The following PALB2 variants were observed in gnomAD, a reference collection of about 807,000 sequenced individuals.
PALB2 encodes the protein mutant partner and localizer of BRCA2.
In PALB2, 82 loss-of-function variants were observed where a neutral mutation model predicts 107.4. The observed-to-expected ratio is 0.76, with a 90% CI of 0.64 to 0.92. The LOEUF (loss-of-function observed/expected upper bound fraction) is 0.92. PALB2 is among the 40% of genes least tolerant of loss of function. The probability of loss-of-function intolerance (pLI) is 0.00; values close to 1 mark genes in which losing one functional copy is unlikely to be tolerated. For synonymous variants in PALB2, 489 were observed against 496.8 expected, an observed-to-expected ratio of 0.98 and a Z score of 0.21; for missense variants, 1,374 against 1,379.9, an observed-to-expected ratio of 1.00 and a Z score of 0.07.
intron 10 of PALB2, among the ~76,000 whole-genome samples, chr16:23,618,174 C>T (rs1158332341): frequency 6.6e-6 from 1 of 151,526 alleles, no homozygotes; most frequent in Non-Finnish European, 1.5e-5. Flanking sequence ...TGCTGTGTGC[C>T]TGCAGTCCCA....
At chr16:23,612,999 C>CA (rs1460277150) in intron 11 of PALB2, among the ~76,000 whole-genome samples, 2 of 151,394 alleles carry the variant, frequency 1.3e-5, no homozygotes, top group African/African-American at 4.8e-5. Context: ...GTGTTCCACC[C>CA]ACTTTGGCCT....
At position 23,629,382 on chromosome 16, in the gene PALB2, T is replaced by C; in HGVS notation, c.2515-107A>G. 4 of 1,096,882 alleles carry C rather than the reference T, an allele frequency of 3.6e-6. No individual in the cohort carries two copies. In the South Asian group the frequency reaches 3.8e-5, roughly 10 times the overall value. 67.9% of individuals were successfully genotyped at this position (1,096,882 alleles called of 1,614,324 possible). Reference sequence around the variant, plus strand: ...TTCGTATTGTCTTTATTTCCTCTTATAACAGCAGCAAAGCTCCAAATGCAA... The same window carrying C: ...TTCGTATTGTCTTTATTTCCTCTTACAACAGCAGCAAAGCTCCAAATGCAA... On this transcript the variant is annotated intron_variant, in intron 5 of 12. Transcript: ENST00000261584.
intron 6 of PALB2, 78 bp downstream of exon 6, chr16:23,629,126 A>G: frequency 2.8e-6 from 3 of 1,079,482 alleles, no homozygotes; most frequent in East Asian, 2.4e-5. Flanking sequence ...ACAAGAAGCT[A>G]TATGACTGAA....
rs2142377589 is a variant in PALB2, at chr16:23,629,917, G to A, written c.2237C>T (p.Ala746Val). ...AGTTCGTCCAGCAACTTCTGTAGAT[G>A]CTTTTTCATAGGAGCCTTGAGGGCC... ...AFGPQGSYEK[A>V]STEVAGRTCC... The change falls in exon 5 of 13, where the codon GCA (alanine) becomes GTA (valine). Residue 746 changes from alanine to valine, a missense_variant. By Grantham distance (64) the Ala-to-Val change is moderately conservative. Coordinates refer to ENST00000261584, the MANE Select transcript of PALB2 (RefSeq NM_024675.4). The A allele has an allele frequency of 6.2e-7, 1 of 1,614,222 alleles. No homozygotes were observed. The highest frequency in any genetic ancestry group is 1.1e-5 in the South Asian group (1 of 91,084).
intron 11 of PALB2, among the ~76,000 whole-genome samples, chr16:23,610,163 G>A (rs1005718956): frequency 3.3e-5 from 5 of 152,160 alleles, no homozygotes; most frequent in Admixed American, 3.3e-4. Context: ...GTCTATGGCT[G>A]ATTTGGGGCC....
chr16:23,619,046 G>A (rs139922590), intron 10 of PALB2, among the ~76,000 whole-genome samples: 32 of 151,628 alleles, frequency 2.1e-4, no homozygotes, highest in African/African-American at 7.2e-4. Flanking sequence ...AGTCACCATA[G>A]TGTTTAAAAA....
At position 23,630,354 on chromosome 16, in the gene PALB2, T is replaced by C. The variant is rs139662375; in HGVS notation, c.1800A>G (p.Leu600=). ...TACTGAGAAAAGACAGTAGTTGCTT[T>C]AAACTCAGCATTCCATCCCTATGAA... ...APFHRDGMLS[L]KQLLSFLSIT... Residue 600 remains leucine (L), a synonymous_variant, in exon 5 of 13, where the codon TTA becomes TTG. Coordinates refer to ENST00000261584, the MANE Select transcript of PALB2 (RefSeq NM_024675.4). 6.2e-7 allele frequency: 1 copy of C among 1,614,190 alleles called. No homozygotes were observed. The highest frequency in any genetic ancestry group is 8.5e-7 in the Non-Finnish European group (1 of 1,180,030).
intron 4 of PALB2, among the ~76,000 whole-genome samples, chr16:23,630,977 A>T (rs1966871217): frequency 6.6e-6 from 1 of 151,654 alleles, no homozygotes. Flanking sequence ...AATTAAAAAA[A>T]ATAAGGCCAG....
At position 23,621,479 on chromosome 16, in the gene PALB2, C is replaced by T. The variant is rs754465466; in HGVS notation, c.2997-1G>A. The T allele has an allele frequency of 1.3e-6, 2 of 1,593,892 alleles. No individual in the cohort carries two copies. Among genetic ancestry groups the T allele is most frequent in the South Asian group, 1.1e-5 (1 of 90,662 alleles). Reference sequence around the variant, plus strand: ...CATCAAAAATTGGTTTTCTTTGCCTCTGTAATTAAAACAGTATGAAAAGTC... The same window carrying T: ...CATCAAAAATTGGTTTTCTTTGCCTTTGTAATTAAAACAGTATGAAAAGTC... On this transcript the variant is annotated splice_acceptor_variant, in intron 9 of 12. Coordinates refer to ENST00000261584, the MANE Select transcript of PALB2 (RefSeq NM_024675.4). LOFTEE classifies it high-confidence loss of function.
rs1555460644 is a variant in PALB2, at chr16:23,630,352, T to C, written c.1802A>G (p.Lys601Arg). The change falls in exon 5 of 13, where the codon AAG becomes AGG. Residue 601 changes from lysine to arginine, a missense_variant. Coordinates refer to ENST00000261584, the MANE Select transcript of PALB2 (RefSeq NM_024675.4). ...GATACTGAGAAAAGACAGTAGTTGC[T>C]TTAAACTCAGCATTCCATCCCTATG... Reference protein sequence around the residue: ...PFHRDGMLSLKQLLSFLSITD... With the variant: ...PFHRDGMLSLRQLLSFLSITD... 2 of 1,614,196 alleles carry C rather than the reference T, an allele frequency of 1.2e-6. No individual in the cohort carries two copies. The highest frequency in any genetic ancestry group is 1.3e-5 in the African/African-American group (1 of 75,058).
In PALB2 at chr16:23,629,629, A is replaced by G. The variant is rs1296862981; in HGVS notation, c.2514+11T>C. ...CTTCAGAGAAAATTTCACAGAGGAA[A>G]TGGATTGTACCTGTTCGACGGAATG... On this transcript the variant is annotated intron_variant, in intron 5 of 12. Transcript: ENST00000261584. 3.1e-6 allele frequency: 5 copies of G among 1,612,598 alleles called. No individual in the cohort carries two copies.
rs515726108 is a variant in PALB2 at position 23,636,231 on chromosome 16, C to T, written c.315G>A (p.Glu105=). 6.2e-7 allele frequency: 1 copy of T among 1,613,802 alleles called. No individual in the cohort carries two copies. The highest frequency in any genetic ancestry group is 1.7e-5 in the Admixed American group (1 of 59,960). The part of the protein sequence containing the change: ...KTSITLDVGP[E]SFNPGDGPGG... Reference sequence around the variant, plus strand: ...CTGGGCCATCTCCAGGGTTAAAGGACTCAGGCCCAACATCAAGTGTGATAG... The same window carrying T: ...CTGGGCCATCTCCAGGGTTAAAGGATTCAGGCCCAACATCAAGTGTGATAG... The change falls in exon 4 of 13, where the codon GAG becomes GAA. Residue 105 remains glutamate (E), a synonymous_variant. Transcript: ENST00000261584.
rs373796987 is a variant in PALB2, at chr16:23,630,120, T to A, written c.2034A>T (p.Leu678=). ...MEDLEEDLIV[L]PGKSHPKRPN... ...GCCTTTTGGGATGTGATTTTCCTGG[T>A]AGAACAATAAGGTCCTCTTCTAAGT... The change falls in exon 5 of 13, where the codon CTA becomes CTT. Residue 678 remains leucine, a synonymous_variant. Transcript: ENST00000261584. 4 of 1,614,168 alleles carry A rather than the reference T, an allele frequency of 2.5e-6. No homozygotes were observed. In the South Asian group the frequency reaches 4.4e-5, roughly 18 times the overall value.
intron 1 of PALB2, chr16:23,638,736 A>C (rs1365750976): frequency 2.8e-6 from 1 of 351,478 alleles, no homozygotes; most frequent in South Asian, 2.1e-5. Flanking sequence ...TACACAGATA[A>C]ACAGAGTGAT....
At chr16:23,623,501 CTTTTTTTT>C (rs1189941589) in intron 8 of PALB2, among the ~76,000 whole-genome samples, 2 of 62,548 alleles carry the variant, frequency 3.2e-5, no homozygotes, top group East Asian at 9.6e-4. Context: ...CATACCCGGC[CTTTTTTTT>C]TTTTTTTTTT....
At chr16:23,640,948 G>A (rs185958849) in intron 1 of PALB2, 162 bp downstream of exon 1, 208 of 755,930 alleles carry the variant, frequency 2.8e-4, no homozygotes, top group Non-Finnish European at 4.2e-4. Context: ...TGAGCACCAC[G>A]CTATTTCCAC....
chr16:23,622,426 G>A (rs962707390), intron 9 of PALB2, among the ~76,000 whole-genome samples: 3 of 151,748 alleles, frequency 2.0e-5, no homozygotes, highest in South Asian at 2.1e-4. Flanking sequence ...ATTAGGTCTC[G>A]CTCTGCTGCC....
chr16:23,610,797 G>A (rs1217274786), intron 11 of PALB2, among the ~76,000 whole-genome samples: 1 of 151,822 alleles, frequency 6.6e-6, no homozygotes, highest in Non-Finnish European at 1.5e-5. Flanking sequence ...CAGCATTTTG[G>A]GAGCGTGAGG....
intron 2 of PALB2, 30 bp from the exon 3 acceptor site, chr16:23,637,982 A>G: frequency 6.2e-7 from 1 of 1,606,480 alleles, no homozygotes; most frequent in South Asian, 1.1e-5. Context: ...CCCCAGAAAT[A>G]CGTTTTCTTT....
Sources: allele counts gnomAD v4.1 joint callset (sites outside exome capture counted in the v4.1 genomes callset), GRCh38; gene constraint gnomAD v4.1.1; transcripts MANE v1.5; gene names NCBI Gene and HGNC (gene_info 2026-07-23, HGNC 2026-07-21).